CCS: variants seen among roughly 807,000 people sequenced by gnomAD.
The protein encoded by CCS is superoxide dismutase copper chaperone.
Under a neutral mutation model 35.5 loss-of-function variants are expected in CCS, and 32 were observed. The observed-to-expected ratio is 0.90, with a 90% CI of 0.68 to 1.21. The LOEUF (loss-of-function observed/expected upper bound fraction) is 1.21. CCS is among the 50% of genes most tolerant of loss of function. The pLI is 0.00. For synonymous variants in CCS, 130 were observed against 147.2 expected (o/e 0.88, Z 0.84); for missense variants, 342 against 375.4 (o/e 0.91, Z 0.73).
intron 5 of CCS, among the ~76,000 whole-genome samples, chr11:66,602,190 A>G (rs1185553696): frequency 1.3e-5 from 2 of 152,228 alleles, no homozygotes; most frequent in Admixed American, 6.5e-5. Flanking sequence ...AGGAGTTTAA[A>G]ACAACAAACA....
intron 1 of CCS, 168 bp downstream of exon 1, chr11:66,593,468 G>A: frequency 3.2e-6 from 3 of 923,906 alleles, no homozygotes; most frequent in Non-Finnish European, 4.9e-6. Flanking sequence ...AGTGTTGGGG[G>A]GTGACTCCCA....
At position 66,599,261 on chromosome 11, in the gene CCS, A is replaced by G; in HGVS notation, c.250+8A>G. On this transcript the variant is annotated splice_region_variant and intron_variant, in intron 3 of 7. Coordinates refer to ENST00000533244, the MANE Select transcript of CCS (RefSeq NM_005125.2). ...TGGGCAGCGGCCAGTTGCGTGAGTG[A>G]CCACTGTGGCCTTGGCCCCTCTCGG... 1 of 1,590,438 alleles carries G rather than the reference A, an allele frequency of 6.3e-7. No homozygotes were observed. The highest frequency in any genetic ancestry group is 8.6e-7 in the Non-Finnish European group (1 of 1,168,560).
intron 2 of CCS, among the ~76,000 whole-genome samples, chr11:66,597,498 T>A (rs184696484): frequency 1.1e-3 from 155 of 138,060 alleles, no homozygotes; most frequent in Middle Eastern, 5.1e-3. Context: ...CATGCCTGTA[T>A]TCCCAGCACT....
chr11:66,604,954 C>T (rs1858630004), intron 5 of CCS, among the ~76,000 whole-genome samples: 1 of 152,214 alleles, frequency 6.6e-6, no homozygotes, highest in African/African-American at 2.4e-5. Context: ...GGCTGCACAA[C>T]TGAGCTAACT....
intron 2 of CCS, among the ~76,000 whole-genome samples, chr11:66,594,417 A>C (rs1858438494): frequency 6.6e-6 from 1 of 152,046 alleles, no homozygotes; most frequent in African/African-American, 2.4e-5. Context: ...TGGCACAATG[A>C]GAAAGATCTG....
At position 66,593,278 on chromosome 11, in the gene CCS, G is replaced by A. The variant is rs1448156238; in HGVS notation, c.17G>A (p.Gly6Glu). MASDS[G>E]NQGTLCTLEF... Reference sequence around the variant, plus strand: ...GGGTCCAGAATGGCTTCGGATTCGGGGAACCAGGGGACCCTCTGCACGGTG... The same window carrying A: ...GGGTCCAGAATGGCTTCGGATTCGGAGAACCAGGGGACCCTCTGCACGGTG... The change falls in exon 1 of 8, where the codon GGG (glycine) becomes GAG (glutamate). Residue 6 changes from glycine to glutamate, a missense_variant. Coordinates refer to ENST00000533244, the MANE Select transcript of CCS (RefSeq NM_005125.2). 24 of 1,558,244 alleles carry A rather than the reference G, an allele frequency of 1.5e-5. No individual in the cohort carries two copies. Among genetic ancestry groups the A allele is most frequent in the Non-Finnish European group, 2.1e-5 (24 of 1,152,078 alleles).
intron 2 of CCS, among the ~76,000 whole-genome samples, chr11:66,596,305 G>A (rs1414771553): frequency 6.6e-6 from 1 of 151,770 alleles, no homozygotes; most frequent in East Asian, 1.9e-4. Flanking sequence ...GGCCTCATGT[G>A]ATCCACCTGC....
Position 66,605,601 on chromosome 11 carries a change from T to G in CCS, c.671+9T>G, listed in dbSNP as rs1334605981. ...GGGAACTCCGGGGAGAGGTGAGTGGTGTCGGCCCCTGTAGGAGGCTGTGCT... is the reference window on the plus strand; with the variant it reads ...GGGAACTCCGGGGAGAGGTGAGTGGGGTCGGCCCCTGTAGGAGGCTGTGCT... On this transcript the variant is annotated intron_variant, in intron 7 of 7. Coordinates refer to ENST00000533244, the MANE Select transcript of CCS (RefSeq NM_005125.2). 1 of 1,611,074 alleles carries G rather than the reference T, an allele frequency of 6.2e-7. No individual in the cohort carries two copies. Among genetic ancestry groups the G allele is most frequent in the East Asian group, 2.2e-5 (1 of 44,866 alleles).
intron 5 of CCS, 67 bp downstream of exon 5, chr11:66,600,616 A>T: frequency 1.3e-6 from 1 of 764,298 alleles, no homozygotes; most frequent in East Asian, 2.9e-5. Context: ...CAGGGCAGGC[A>T]GCTCTTGGGA....
In CCS at chr11:66,605,581, C is replaced by G. The variant is rs778748665; in HGVS notation, c.660C>G (p.Asn220Lys). The change falls in exon 7 of 8, where the codon AAC becomes AAG. Residue 220 changes from asparagine to lysine, a missense_variant. Asn to Lys is a moderately conservative substitution (Grantham distance 94). Coordinates refer to ENST00000533244, the MANE Select transcript of CCS (RefSeq NM_005125.2). ...ATCCCTTATCCAAGATCACAGGGAA[C>G]TCCGGGGAGAGGTGAGTGGTGTCGG... Reference protein sequence around the residue: ...GGHPLSKITGNSGERLACGII... With the variant: ...GGHPLSKITGKSGERLACGII... The G allele has an allele frequency of 1.2e-6, 2 of 1,613,586 alleles. No individual in the cohort carries two copies. Among genetic ancestry groups the G allele is most frequent in the South Asian group, 1.1e-5 (1 of 90,946 alleles).
In CCS at chr11:66,593,649, T is replaced by TG. The variant is rs772522566; in HGVS notation, c.47_48insG (p.Phe16LeufsTer96). On this transcript the variant is annotated frameshift_variant, in exon 2 of 8. Transcript: ENST00000533244. LOFTEE classifies it high-confidence loss of function. ...TCCCTGCCGCCCTTGCAGTTGGAGT[T>TG]CGCGGTGCAGATGACCTGTCAGAGC... 1 of 1,613,796 alleles carries TG rather than the reference T, an allele frequency of 6.2e-7. No homozygotes were observed. The highest frequency in any genetic ancestry group is 1.1e-5 in the South Asian group (1 of 91,032).
chr11:66,599,253 C>T lies in CCS; in HGVS notation c.250C>T (p.Gln84Ter), dbSNP rs777662396. ...CAAGGGCATGGGCAGCGGCCAGTTG[C>T]GTGAGTGACCACTGTGGCCTTGGCC... ...VLKGMGSGQL[Q>*]NLGAAVAILG... The change falls in exon 3 of 8, where the codon CAG (glutamine) becomes TAG (stop). Residue 84 changes from glutamine to a stop codon, truncating the protein, a stop_gained and splice_region_variant. Coordinates refer to ENST00000533244, the MANE Select transcript of CCS (RefSeq NM_005125.2). LOFTEE classifies it high-confidence loss of function. 11 of 1,595,650 alleles carry T rather than the reference C, an allele frequency of 6.9e-6. No homozygotes were observed. In the Admixed American group the frequency reaches 1.2e-4, roughly 18 times the overall value.
chr11:66,598,159 C>G (rs189046515), intron 2 of CCS, among the ~76,000 whole-genome samples: 66 of 151,726 alleles, frequency 4.3e-4, no homozygotes, highest in Non-Finnish European at 5.6e-4. Flanking sequence ...CAGAGTTGTA[C>G]AACCATCTCT....
intron 4 of CCS, 24 bp from the exon 5 acceptor site, chr11:66,600,465 C>G (rs748748075): frequency 1.6e-4 from 231 of 1,487,082 alleles, no homozygotes; most frequent in Non-Finnish European, 2.1e-4. Flanking sequence ...GCTTTCCTGC[C>G]CACCTGTTTC....
In CCS at chr11:66,600,364, C is replaced by G. The variant is rs977664276; in HGVS notation, c.429-125C>G. On this transcript the variant is annotated intron_variant, in intron 4 of 7. Transcript: ENST00000533244. ...GGTGCCCTCTACCCAAAGCCCAGCA[C>G]AGAGTAGGCCTGTTTGTTGAATGAA... is the stretch of plus-strand genomic sequence containing the variant. 5 of 569,204 alleles carry G rather than the reference C, an allele frequency of 8.8e-6. No individual in the cohort carries two copies. The African/African-American group carries it at 9.6e-5, about 11-fold the overall frequency. 35.3% of individuals were successfully genotyped at this position (569,204 alleles called of 1,614,324 possible).
At chr11:66,605,647 A>G in intron 7 of CCS, 55 bp downstream of exon 7, 4 of 1,583,918 alleles carry the variant, frequency 2.5e-6, no homozygotes, top group Non-Finnish European at 3.4e-6. Context: ...TGCATGAGGA[A>G]CCCAGGGGTG....
chr11:66,594,632 T>G (rs1486019558), intron 2 of CCS, among the ~76,000 whole-genome samples: 1 of 151,636 alleles, frequency 6.6e-6, no homozygotes, highest in Non-Finnish European at 1.5e-5. Flanking sequence ...AAAAATTAGC[T>G]GGGCGTCATG....
chr11:66,605,048 C>A (rs1858631179), intron 5 of CCS: 11 of 1,237,738 alleles, frequency 8.9e-6, no homozygotes, highest in Non-Finnish European at 1.2e-5. Context: ...GCAGGGGAAA[C>A]TTCCACTGGC....
Position 66,593,652 on chromosome 11 carries a change from C to T in CCS, c.50C>T (p.Ala17Val). The T allele has an allele frequency of 6.2e-7, 1 of 1,613,832 alleles. No individual in the cohort carries two copies. Among genetic ancestry groups the T allele is most frequent in the Non-Finnish European group, 8.5e-7 (1 of 1,179,980 alleles). The change falls in exon 2 of 8, where the codon GCG (alanine) becomes GTG (valine). Residue 17 changes from alanine (A) to valine (V), a missense_variant. Transcript: ENST00000533244. ...NQGTLCTLEFAVQMTCQSCVD... is the reference protein window; with the variant it reads ...NQGTLCTLEFVVQMTCQSCVD... ...CTGCCGCCCTTGCAGTTGGAGTTCG[C>T]GGTGCAGATGACCTGTCAGAGCTGT...
Sources: gnomAD v4.1 joint callset for allele counts (sites outside exome capture counted in the v4.1 genomes callset) on GRCh38, gnomAD v4.1.1 for gene constraint, MANE v1.5 for transcripts, NCBI Gene and HGNC (gene_info 2026-07-23, HGNC 2026-07-21) for gene names.